Variants in RPRD1A observed in about 807,000 individuals in gnomAD.
RPRD1A encodes the protein regulation of nuclear pre-mRNA domain-containing protein 1A.
A neutral mutation model predicts 37.8 loss-of-function variants in RPRD1A; 9 were observed. The observed-to-expected ratio is 0.24, with a 90% CI of 0.14 to 0.42. The LOEUF (loss-of-function observed/expected upper bound fraction) is 0.42. RPRD1A is among the 10% of genes least tolerant of loss of function. The pLI is 1.00. For missense variants in RPRD1A, 255 were observed against 371.0 expected (o/e 0.69, Z 2.57); for synonymous variants, 138 against 139.7 (o/e 0.99, Z 0.08).
chr18:35,999,792 G>GA (rs1909308331), intron 6 of RPRD1A, among the ~76,000 whole-genome samples: 1 of 152,120 alleles, frequency 6.6e-6, no homozygotes, highest in South Asian at 2.1e-4. Flanking sequence ...AATTTGTAGA[G>GA]AAAAAAGGTG....
chr18:36,035,570 C>A (rs1025766183), intron 1 of RPRD1A, among the ~76,000 whole-genome samples: 4 of 152,096 alleles, frequency 2.6e-5, no homozygotes, highest in African/African-American at 9.7e-5. Flanking sequence ...ATCTTTGAGA[C>A]TCAAAAGTAG....
intron 1 of RPRD1A, among the ~76,000 whole-genome samples, chr18:36,052,522 G>A (rs191579358): frequency 1.6e-3 from 245 of 152,184 alleles, no homozygotes; most frequent in Non-Finnish European, 2.6e-3. Flanking sequence ...TGTACTTTGT[G>A]ATAACATAAA....
chr18:36,016,053 T>C (rs1012807199), intron 6 of RPRD1A, among the ~76,000 whole-genome samples: 3 of 152,200 alleles, frequency 2.0e-5, no homozygotes, highest in African/African-American at 4.8e-5. Context: ...AATCACTACA[T>C]ACATTTAAGT....
At position 35,991,868 on chromosome 18, in the gene RPRD1A, T is replaced by C. The variant is rs141717307; in HGVS notation, c.*1283A>G. The C allele has an allele frequency of 1.3e-5, 2 of 152,226 alleles. No individual in the cohort carries two copies. The highest frequency in any genetic ancestry group is 1.3e-4 in the Admixed American group (2 of 15,286). The allele number at this position is 152,226 out of a possible 1,614,324, so 9.4% of individuals were successfully genotyped here. On this transcript the variant is annotated 3_prime_UTR_variant, in exon 7 of 7. Transcript: ENST00000399022. ...TAATTGGCTTGTGGGATTTTCAAGA[T>C]GTTTTATTGACTATCTAATTTGAAT... is the stretch of plus-strand genomic sequence containing the variant.
Position 36,053,381 on chromosome 18 carries a change from T to C in RPRD1A, c.151+13873A>G, listed in dbSNP as rs77998853. ...CCCCGGAGTATTATGGATTTACCTATTCTAGATATTTCATATATTATGGAA... is the reference window on the plus strand; with the variant it reads ...CCCCGGAGTATTATGGATTTACCTACTCTAGATATTTCATATATTATGGAA... On this transcript the variant is annotated intron_variant, in intron 1 of 6. Transcript: ENST00000399022. Among the ~76,000 whole-genome samples, 540 of 152,296 alleles carry C rather than the reference T, an allele frequency of 3.5e-3. 2 individuals are homozygous for C. The highest frequency in any genetic ancestry group is 0.013 in the African/African-American group (525 of 41,556).
At chr18:36,029,709 G>C (rs977880285) in intron 4 of RPRD1A, among the ~76,000 whole-genome samples, 1 of 151,162 alleles carries the variant, frequency 6.6e-6, no homozygotes, top group Admixed American at 6.6e-5. Context: ...GGAGGACACA[G>C]AGTGTTAAGA....
chr18:36,062,811 T>C (rs2088943151), intron 1 of RPRD1A, among the ~76,000 whole-genome samples: 1 of 152,202 alleles, frequency 6.6e-6, no homozygotes, highest in South Asian at 2.1e-4. Flanking sequence ...GGACAACAGC[T>C]AAATGGCATG....
chr18:36,032,875 A>C (rs1007586937), intron 2 of RPRD1A, among the ~76,000 whole-genome samples: 1 of 152,178 alleles, frequency 6.6e-6, no homozygotes, highest in Non-Finnish European at 1.5e-5. Context: ...ATACAAGTAA[A>C]AATGTCAAAA....
intron 1 of RPRD1A, among the ~76,000 whole-genome samples, chr18:36,055,618 T>C (rs970027623): frequency 1.3e-5 from 2 of 152,186 alleles, no homozygotes; most frequent in African/African-American, 4.8e-5. Flanking sequence ...ACGTACATTC[T>C]TTCAGATACC....
chr18:36,048,491 T>C (rs1913125088), intron 1 of RPRD1A, among the ~76,000 whole-genome samples: 1 of 148,714 alleles, frequency 6.7e-6, no homozygotes, highest in African/African-American at 2.6e-5. Flanking sequence ...AGAACCTCAA[T>C]GTGATGCACC....
In RPRD1A at chr18:36,039,670, A is replaced by G. The variant is rs575933568; in HGVS notation, c.152-5833T>C. Among the ~76,000 whole-genome samples, 541 of 152,328 alleles carry G rather than the reference A, an allele frequency of 3.6e-3. 2 individuals carry two copies. The highest frequency in any genetic ancestry group is 6.7e-3 in the Non-Finnish European group (458 of 68,028). ...TATACTCATTTTTATATGCTGCAAA[A>G]TATCATAATCTAAATTAATCATCCA... On this transcript the variant is annotated intron_variant, in intron 1 of 6. Transcript: ENST00000399022.
chr18:36,012,054 C>T (rs565852859), intron 6 of RPRD1A, among the ~76,000 whole-genome samples: 5 of 152,278 alleles, frequency 3.3e-5, no homozygotes, highest in African/African-American at 1.2e-4. Context: ...TGTTACCACC[C>T]CCATACAATG....
rs1200925443 is a variant in RPRD1A at position 36,026,895 on chromosome 18, C to T, written c.789+5G>A. On this transcript the variant is annotated splice_donor_5th_base_variant and intron_variant, in intron 6 of 6. Transcript: ENST00000399022. ...TAAGCACTAAAGAAGAAAAAGGTTA[C>T]GCACTTCCAATTTATGCTCTTTCTC... The T allele has an allele frequency of 1.9e-6, 3 of 1,610,556 alleles. No individual in the cohort carries two copies. Among genetic ancestry groups the T allele is most frequent in the Non-Finnish European group, 2.5e-6 (3 of 1,177,698 alleles).
chr18:36,049,535 T>C (rs925908423), intron 1 of RPRD1A, among the ~76,000 whole-genome samples: 38 of 152,228 alleles, frequency 2.5e-4, no homozygotes, highest in Admixed American at 3.9e-4. Context: ...GTGACTACTC[T>C]AGGTGTCTCA....
intron 6 of RPRD1A, among the ~76,000 whole-genome samples, chr18:35,994,629 CTG>C (rs1251929655): frequency 2.6e-5 from 4 of 152,272 alleles, no homozygotes; most frequent in South Asian, 2.1e-4. Flanking sequence ...AGCATGATAA[CTG>C]TGAGTTATCC....
At chr18:36,046,760 A>C (rs1912984351) in intron 1 of RPRD1A, among the ~76,000 whole-genome samples, 1 of 151,920 alleles carries the variant, frequency 6.6e-6, no homozygotes, top group South Asian at 2.1e-4. Flanking sequence ...TGCTGAGCCT[A>C]AGAGATCAAG....
At chr18:36,054,305 A>T (rs1367458649) in intron 1 of RPRD1A, among the ~76,000 whole-genome samples, 2 of 152,138 alleles carry the variant, frequency 1.3e-5, no homozygotes, top group African/African-American at 4.8e-5. Context: ...AACCTGGCCA[A>T]CGTGATGAAA....
In RPRD1A at chr18:35,992,287, C is replaced by A. The variant is rs1908758996; in HGVS notation, c.*864G>T. ...ATGAGCAAGGGAATAATAAAAGTAT[C>A]ATTTCACGTGTCTTTTAATCCCATA... On this transcript the variant is annotated 3_prime_UTR_variant, in exon 7 of 7. Coordinates refer to ENST00000399022, the MANE Select transcript of RPRD1A (RefSeq NM_018170.5). The A allele has an allele frequency of 6.6e-6, 1 of 152,480 alleles. No homozygotes were observed. Among genetic ancestry groups the A allele is most frequent in the African/African-American group, 2.4e-5 (1 of 41,448 alleles). The allele number at this position is 152,480 out of a possible 1,614,324, so 9.4% of individuals were successfully genotyped here. A position where few individuals can be genotyped will look rare whatever the true frequency, so the allele number is the denominator to read the frequency against.
intron 1 of RPRD1A, among the ~76,000 whole-genome samples, chr18:36,055,719 A>G (rs1458725981): frequency 6.6e-6 from 1 of 152,234 alleles, no homozygotes; most frequent in Non-Finnish European, 1.5e-5. Flanking sequence ...GAGAAACAAA[A>G]TAAGAATACA....
Sources: allele counts gnomAD v4.1 joint callset (sites outside exome capture counted in the v4.1 genomes callset), GRCh38; gene constraint gnomAD v4.1.1; transcripts MANE v1.5; gene names NCBI Gene and HGNC (gene_info 2026-07-23, HGNC 2026-07-21).